Variants in SCN3A observed in about 807,000 individuals in gnomAD.
The protein encoded by SCN3A is sodium voltage-gated channel alpha subunit 3, also known as sodium channel protein type 3 subunit alpha.
SCN3A carries 60 observed loss-of-function variants against 187.6 expected under a neutral mutation model. That is an observed-to-expected ratio of 0.32 (90% CI 0.26 to 0.40). The LOEUF is 0.40. Ranked by LOEUF, SCN3A falls within the 10% of genes least tolerant of loss-of-function variation. The probability of loss-of-function intolerance (pLI) is 1.00; values close to 1 mark genes in which losing one functional copy is unlikely to be tolerated. For missense variants in SCN3A, 1,601 were observed against 2,428.2 expected (o/e 0.66, Z 7.16); for synonymous variants, 788 against 829.2 (o/e 0.95, Z 0.85).
At chr2:165,200,517 C>T (rs911333308) in intron 1 of SCN3A, among the ~76,000 whole-genome samples, 11 of 152,042 alleles carry the variant, frequency 7.2e-5, no homozygotes, top group African/African-American at 2.7e-4. Context: ...CTCGTAAGAG[C>T]TGGGAGTGAC....
chr2:165,090,028 C>G lies in SCN3A; in HGVS notation c.*122G>C. 1 of 1,400,302 alleles carries G rather than the reference C, an allele frequency of 7.1e-7. No homozygotes were observed. Among genetic ancestry groups the G allele is most frequent in the Non-Finnish European group, 9.7e-7 (1 of 1,032,572 alleles). 86.7% of individuals were successfully genotyped at this position (1,400,302 alleles called of 1,614,324 possible). A position where few individuals can be genotyped will look rare whatever the true frequency, so the allele number is the denominator to read the frequency against. ...CTTCACTGTCTTGTATAGGCACTGA[C>G]TATGAGTATTTGTTAAAACAGTCAG... On this transcript the variant is annotated 3_prime_UTR_variant, in exon 28 of 28. Coordinates refer to ENST00000283254, the MANE Select transcript of SCN3A (RefSeq NM_006922.4). This position sits in a 1 kb window ranked among gnomAD's most constrained non-coding sequence, Gnocchi z 4.0.
intron 20 of SCN3A, 122 bp from the exon 21 acceptor site, chr2:165,113,180 A>G: frequency 1.3e-6 from 1 of 753,462 alleles, no homozygotes; most frequent in Non-Finnish European, 2.2e-6. Flanking sequence ...TTACATAAAC[A>G]TTGAACATCA....
intron 21 of SCN3A, among the ~76,000 whole-genome samples, chr2:165,111,589 G>A (rs889442395): frequency 1.1e-4 from 17 of 151,448 alleles, no homozygotes; most frequent in African/African-American, 3.9e-4. Flanking sequence ...AATCTATGAG[G>A]GAAAGGAGCA....
intron 12 of SCN3A, among the ~76,000 whole-genome samples, chr2:165,141,221 A>G (rs1687994456): frequency 6.6e-6 from 1 of 152,208 alleles, no homozygotes. Flanking sequence ...CTGATTTGCA[A>G]TTTACTAAGT....
chr2:165,148,551 A>G (rs984229816), intron 11 of SCN3A, among the ~76,000 whole-genome samples: 3 of 152,086 alleles, frequency 2.0e-5, no homozygotes, highest in Non-Finnish European at 4.4e-5. Context: ...ACTATGCTGC[A>G]AATTCTCTAG....
chr2:165,162,948 G>T, intron 7 of SCN3A, 120 bp from the exon 8 acceptor site: 4 of 1,178,026 alleles, frequency 3.4e-6, no homozygotes, highest in Non-Finnish European at 3.8e-6. Flanking sequence ...CACCAAAGCT[G>T]TATGGATAGC....
chr2:165,170,474 T>C lies in SCN3A; in HGVS notation c.339A>G (p.Pro113=), dbSNP rs771705016. 3.1e-6 allele frequency: 5 copies of C among 1,611,448 alleles called. No homozygotes were observed. In the South Asian group the frequency reaches 4.4e-5, roughly 14 times the overall value. ...SATSALYILT[P]LNPVRKIAIK... ...TAGCAATTTTCCTAACAGGGTTTAG[T>C]GGAGTTAAAATATACAAGGCAGAGG... The change falls in exon 4 of 28, where the codon CCA becomes CCG. Residue 113 remains proline, a synonymous_variant. Coordinates refer to ENST00000283254, the MANE Select transcript of SCN3A (RefSeq NM_006922.4).
intron 23 of SCN3A, among the ~76,000 whole-genome samples, chr2:165,096,751 A>G (rs1204877105): frequency 6.6e-6 from 1 of 152,088 alleles, no homozygotes; most frequent in Non-Finnish European, 1.5e-5. Context: ...ACTAAAATTT[A>G]GTGAAAGACT....
chr2:165,166,666 A>G (rs1276293411), intron 5 of SCN3A, among the ~76,000 whole-genome samples: 1 of 152,148 alleles, frequency 6.6e-6, no homozygotes, highest in Non-Finnish European at 1.5e-5. Context: ...GAACTAAGTT[A>G]TCTTCTGTTT....
chr2:165,160,599 A>C (rs902788827), intron 9 of SCN3A, among the ~76,000 whole-genome samples: 2 of 142,198 alleles, frequency 1.4e-5, no homozygotes, highest in African/African-American at 5.5e-5. Context: ...ATAGGCAATA[A>C]ATTCTTTTCT....
intron 1 of SCN3A, chr2:165,195,227 A>G (rs1261440501): frequency 6.6e-6 from 1 of 152,222 alleles, no homozygotes; most frequent in African/African-American, 2.4e-5. Context: ...TAGTGAGGGC[A>G]GTAATCCTGA....
chr2:165,114,522 C>T (rs1332385018), intron 19 of SCN3A, among the ~76,000 whole-genome samples: 4 of 152,146 alleles, frequency 2.6e-5, no homozygotes, highest in South Asian at 4.1e-4. Context: ...TCCTAGCTTT[C>T]GCATTATTTC....
chr2:165,197,354 A>C (rs1692027497), intron 1 of SCN3A, among the ~76,000 whole-genome samples: 1 of 152,114 alleles, frequency 6.6e-6, no homozygotes, highest in South Asian at 2.1e-4. Context: ...ACCTGGCTAC[A>C]CATTTGAACT....
At chr2:165,141,083 T>G in intron 12 of SCN3A, 85 bp from the exon 13 acceptor site, 1 of 851,936 alleles carries the variant, frequency 1.2e-6, no homozygotes, top group Non-Finnish European at 1.8e-6. Context: ...TTAAAGGATC[T>G]GTTTTCTTTG....
intron 21 of SCN3A, among the ~76,000 whole-genome samples, chr2:165,106,768 T>C (rs1685881046): frequency 6.6e-6 from 1 of 152,182 alleles, no homozygotes; most frequent in African/African-American, 2.4e-5. Context: ...GAATGCTGGC[T>C]GATGAATTGC....
rs113973133 is a variant in SCN3A at position 165,101,504 on chromosome 2, A to T, written c.3844-1080T>A. On this transcript the variant is annotated intron_variant, in intron 21 of 27. Transcript: ENST00000283254. The stretch of plus-strand genomic sequence containing the variant: ...GAGTAGAATTGGCGATTTGAACCCA[A>T]ATAATCTGACGTCAAAAGCATATCT... Among the ~76,000 whole-genome samples, 1,447 of 152,256 alleles carry T rather than the reference A, an allele frequency of 9.5e-3. 15 individuals are homozygous for T. The highest frequency in any genetic ancestry group is 0.033 in the African/African-American group (1,358 of 41,546).
Position 165,091,254 on chromosome 2 carries a change from A to T in SCN3A, c.4899T>A (p.Arg1633=), listed in dbSNP as rs748935500. ...GGATCCCCTTTGCTCCTTTGATCAG[A>T]CGTAGGATTCGGCCAATCCTGGCAA... ...IRLARIGRIL[R]LIKGAKGIRT... Residue 1633 remains arginine, a synonymous_variant, in exon 28 of 28, where the codon CGT becomes CGA. Transcript: ENST00000283254. 1.5e-4 allele frequency: 245 copies of T among 1,614,122 alleles called. 3 individuals carry two copies. The Middle Eastern group carries it at 2.8e-3, about 18-fold the overall frequency.
chr2:165,120,776 C>T lies in SCN3A; in HGVS notation c.3394-5201G>A, dbSNP rs573858872. The stretch of plus-strand genomic sequence containing the variant: ...AAGCCATTGGGTTGCTTGTCCTAGG[C>T]GGGAAGGAAAAGGCCAGTAGCTCTT... On this transcript the variant is annotated intron_variant, in intron 18 of 27. Coordinates refer to ENST00000283254, the MANE Select transcript of SCN3A (RefSeq NM_006922.4). 7.9e-4 allele frequency among the ~76,000 whole-genome samples: 117 copies of T among 148,938 alleles called. 1 individual carries two copies. The highest frequency in any genetic ancestry group is 8.1e-4 in the Admixed American group (12 of 14,886).
At chr2:165,128,172 A>T in intron 17 of SCN3A, 71 bp from the exon 18 acceptor site, 2 of 1,190,548 alleles carry the variant, frequency 1.7e-6, no homozygotes, top group Non-Finnish European at 2.3e-6. Context: ...TAAAAAGGGA[A>T]CTCATAGATC....
Sources: allele counts gnomAD v4.1 joint callset (sites outside exome capture counted in the v4.1 genomes callset), GRCh38; gene constraint gnomAD v4.1.1; non-coding constraint Gnocchi (gnomAD v3.1); transcripts MANE v1.5; gene names NCBI Gene and HGNC (gene_info 2026-07-23, HGNC 2026-07-21).